Variants in MEF2A observed in about 807,000 individuals in gnomAD.
MEF2A encodes the protein myocyte-specific enhancer factor 2A.
A neutral mutation model predicts 55.8 loss-of-function variants in MEF2A; 28 were observed. The observed-to-expected ratio is 0.50, with a 90% CI of 0.37 to 0.69. The LOEUF (loss-of-function observed/expected upper bound fraction) is 0.69. Ranked by LOEUF, MEF2A falls within the 30% of genes least tolerant of loss-of-function variation. The probability of loss-of-function intolerance (pLI) is 0.00; values close to 1 mark genes in which losing one functional copy is unlikely to be tolerated. For missense variants in MEF2A, 528 were observed against 626.2 expected (o/e 0.84, Z 1.67); for synonymous variants, 239 against 227.1 (o/e 1.05, Z -0.47).
At chr15:99,567,627 CTGTGTGTGTGTGTGTGTGTG>C (rs370539645) in intron 1 of MEF2A, among the ~76,000 whole-genome samples, 4 of 143,776 alleles carry the variant, frequency 2.8e-5, no homozygotes, top group East Asian at 2.0e-4. Flanking sequence ...TTTGTATGTA[CTGTGTGTGTGTGTGTGTGTG>C]TGTGTGTGTG....
intron 4 of MEF2A, among the ~76,000 whole-genome samples, chr15:99,662,820 A>G (rs2048891370): frequency 6.6e-6 from 1 of 152,146 alleles, no homozygotes; most frequent in East Asian, 1.9e-4. Context: ...GCTTATACTT[A>G]TGCTAGATTT....
At chr15:99,568,149 CACTTT>C (rs1323784045) in intron 1 of MEF2A, among the ~76,000 whole-genome samples, 1 of 152,124 alleles carries the variant, frequency 6.6e-6, no homozygotes, top group Non-Finnish European at 1.5e-5. Flanking sequence ...GTTAAAATTA[CACTTT>C]ACTTGCCTTC....
At chr15:99,599,126 A>G (rs1342075125) in intron 2 of MEF2A, among the ~76,000 whole-genome samples, 1 of 152,124 alleles carries the variant, frequency 6.6e-6, no homozygotes, top group Non-Finnish European at 1.5e-5. Flanking sequence ...TCTCAGTAAG[A>G]TGTGTAGTCC....
At chr15:99,710,016 C>T (rs190155308) in intron 10 of MEF2A, among the ~76,000 whole-genome samples, 29 of 152,328 alleles carry the variant, frequency 1.9e-4, no homozygotes, top group African/African-American at 6.5e-4. Flanking sequence ...TTCAAACTCA[C>T]TCTGGTTGAG....
chr15:99,614,467 A>T (rs2039861330), intron 2 of MEF2A, among the ~76,000 whole-genome samples: 1 of 152,234 alleles, frequency 6.6e-6, no homozygotes, highest in African/African-American at 2.4e-5. Flanking sequence ...TCATACTTTG[A>T]CTTTTGCTTT....
intron 2 of MEF2A, among the ~76,000 whole-genome samples, chr15:99,609,003 T>A (rs764409600): frequency 3.9e-5 from 6 of 152,204 alleles, no homozygotes; most frequent in Non-Finnish European, 8.8e-5. Flanking sequence ...GTAGATAGTT[T>A]AGAGGTATCA....
At chr15:99,630,164 A>G (rs1031005220) in intron 2 of MEF2A, among the ~76,000 whole-genome samples, 1 of 151,872 alleles carries the variant, frequency 6.6e-6, no homozygotes, top group African/African-American at 2.4e-5. Flanking sequence ...GTTCTTAGCT[A>G]TTATGTCTTC....
At chr15:99,649,693 A>G (rs1466991948) in intron 4 of MEF2A, among the ~76,000 whole-genome samples, 1 of 152,184 alleles carries the variant, frequency 6.6e-6, no homozygotes, top group African/African-American at 2.4e-5. Flanking sequence ...GTAGGAAACT[A>G]CAGATGGAAA....
chr15:99,638,878 T>C (rs2044374275), intron 3 of MEF2A, among the ~76,000 whole-genome samples: 1 of 152,168 alleles, frequency 6.6e-6, no homozygotes, highest in South Asian at 2.1e-4. Context: ...AAAGAGATTA[T>C]AGAATCTTAG....
chr15:99,682,091 A>G (rs562689681), intron 7 of MEF2A, among the ~76,000 whole-genome samples: 42 of 152,362 alleles, frequency 2.8e-4, no homozygotes, highest in African/African-American at 1.0e-3. Context: ...ATGAATTCAT[A>G]GTGAAATATT....
intron 4 of MEF2A, among the ~76,000 whole-genome samples, chr15:99,668,974 C>T (rs2050340201): frequency 6.6e-6 from 1 of 152,158 alleles, no homozygotes; most frequent in South Asian, 2.1e-4. Context: ...CTCTTAAATT[C>T]TCTCATGGTG....
chr15:99,618,743 T>A (rs1385669651), intron 2 of MEF2A, among the ~76,000 whole-genome samples: 1 of 152,210 alleles, frequency 6.6e-6, no homozygotes, highest in African/African-American at 2.4e-5. Context: ...TGAAAAATGT[T>A]AAAAATTGAT....
chr15:99,607,370 A>G (rs1190668600), intron 2 of MEF2A, among the ~76,000 whole-genome samples: 1 of 152,214 alleles, frequency 6.6e-6, no homozygotes, highest in Non-Finnish European at 1.5e-5. Flanking sequence ...GTATTTTTAC[A>G]TCTCTGATAT....
intron 2 of MEF2A, among the ~76,000 whole-genome samples, chr15:99,600,364 T>C (rs1021483887): frequency 6.6e-6 from 1 of 152,166 alleles, no homozygotes; most frequent in African/African-American, 2.4e-5. Flanking sequence ...GGAGTTACTC[T>C]TGAGTGTTTA....
At chr15:99,708,922 T>C (rs895918019) in intron 10 of MEF2A, among the ~76,000 whole-genome samples, 1 of 152,090 alleles carries the variant, frequency 6.6e-6, no homozygotes, top group African/African-American at 2.4e-5. Context: ...GTGGTTAGAA[T>C]TGAGACTAGA....
intron 7 of MEF2A, among the ~76,000 whole-genome samples, chr15:99,688,422 CT>C (rs1239609663): frequency 6.6e-6 from 1 of 152,174 alleles, no homozygotes. Context: ...TTTGTATCAG[CT>C]TTTTCCTCAT....
At chr15:99,603,504 C>G (rs1462161853) in intron 2 of MEF2A, among the ~76,000 whole-genome samples, 1 of 149,116 alleles carries the variant, frequency 6.7e-6, no homozygotes, top group Non-Finnish European at 1.5e-5. Context: ...TCCTGATTAG[C>G]TGGGACTGTA....
chr15:99,693,441 G>C (rs987408779), intron 8 of MEF2A, among the ~76,000 whole-genome samples: 2 of 151,648 alleles, frequency 1.3e-5, no homozygotes, highest in African/African-American at 4.8e-5. Context: ...ACACACAGAT[G>C]TATGCACGCA....
chr15:99,662,527 T>C (rs190772468), intron 4 of MEF2A, among the ~76,000 whole-genome samples: 391 of 150,662 alleles, frequency 2.6e-3, no homozygotes, highest in South Asian at 0.022. Context: ...CAGGCTGGAG[T>C]GCAATGGCAC....
Sources: allele counts gnomAD v4.1 joint callset (sites outside exome capture counted in the v4.1 genomes callset), GRCh38; gene constraint gnomAD v4.1.1; transcripts MANE v1.5; gene names NCBI Gene and HGNC (gene_info 2026-07-23, HGNC 2026-07-21).